The following EPB41L4A variants were observed in gnomAD, a reference collection of about 807,000 sequenced individuals.
The protein encoded by EPB41L4A is erythrocyte membrane protein band 4.1 like 4A, also known as band 4.1-like protein 4A.
A neutral mutation model predicts 108.6 loss-of-function variants in EPB41L4A; 100 were observed. The observed-to-expected ratio is 0.92, with a 90% CI of 0.78 to 1.09. The LOEUF (loss-of-function observed/expected upper bound fraction) is 1.09, where lower values mean the gene tolerates loss of function less well. EPB41L4A is among the 50% of genes least tolerant of loss of function. The probability of loss-of-function intolerance (pLI) is 0.00; values close to 1 mark genes in which losing one functional copy is unlikely to be tolerated. For missense variants in EPB41L4A, 1,030 were observed against 842.7 expected (o/e 1.22, Z -2.75); for synonymous variants, 319 against 289.0 (o/e 1.10, Z -1.05).
At chr5:112,334,345 A>G (rs1488993623) in intron 1 of EPB41L4A, among the ~76,000 whole-genome samples, 2 of 152,204 alleles carry the variant, frequency 1.3e-5, no homozygotes, top group Non-Finnish European at 2.9e-5. Flanking sequence ...CATTCTGTGT[A>G]GAATCTCTTT....
At chr5:112,287,926 T>C (rs956254076) in intron 2 of EPB41L4A, among the ~76,000 whole-genome samples, 1 of 152,180 alleles carries the variant, frequency 6.6e-6, no homozygotes, top group Non-Finnish European at 1.5e-5. Context: ...AAGAGAGAGA[T>C]AAGCTAAAAA....
intron 16 of EPB41L4A, 114 bp from the exon 17 acceptor site, chr5:112,194,759 C>G (rs971928137): frequency 6.4e-6 from 4 of 622,650 alleles, no homozygotes; most frequent in Non-Finnish European, 1.1e-5. Context: ...AATTATCAAT[C>G]CAAACATCAA....
intron 12 of EPB41L4A, among the ~76,000 whole-genome samples, chr5:112,210,580 G>T (rs959281801): frequency 5.3e-4 from 80 of 152,034 alleles, no homozygotes; most frequent in African/African-American, 1.9e-3. Context: ...CCATAGATTT[G>T]CATACACGCT....
intron 1 of EPB41L4A, among the ~76,000 whole-genome samples, chr5:112,411,160 T>C (rs986974552): frequency 3.3e-5 from 5 of 151,914 alleles, no homozygotes; most frequent in African/African-American, 1.2e-4. Context: ...TGGAGGAGGG[T>C]AGTGATGGCT....
rs150534027 is a variant in EPB41L4A at position 112,368,363 on chromosome 5, C to A, written c.99+50578G>T. Among the ~76,000 whole-genome samples, 624 of 152,288 alleles carry A rather than the reference C, an allele frequency of 4.1e-3. 1 individual carries two copies. Among genetic ancestry groups the A allele is most frequent in the Non-Finnish European group, 7.3e-3 (494 of 68,032 alleles). On this transcript the variant is annotated intron_variant, in intron 1 of 22. Transcript: ENST00000261486. ...CCACTCCCTCCCACCTCTTCTGATA[C>A]CTACCCCATCTGTTGTCCCCTCTCC...
At chr5:112,201,607 C>T (rs1002612132) in intron 15 of EPB41L4A, among the ~76,000 whole-genome samples, 3 of 152,140 alleles carry the variant, frequency 2.0e-5, no homozygotes, top group African/African-American at 7.2e-5. Context: ...GGGTAGAAAA[C>T]TATAAAACTC....
At chr5:112,212,730 G>T (rs572688935) in intron 12 of EPB41L4A, among the ~76,000 whole-genome samples, 1 of 152,252 alleles carries the variant, frequency 6.6e-6, no homozygotes, top group Non-Finnish European at 1.5e-5. Flanking sequence ...GGCTGGGAGA[G>T]GGGGCCACAG....
chr5:112,388,588 T>C (rs200924349), intron 1 of EPB41L4A, among the ~76,000 whole-genome samples: 8 of 152,162 alleles, frequency 5.3e-5, no homozygotes, highest in East Asian at 1.9e-4. Flanking sequence ...GGATTATGGA[T>C]AGACAGCCTG....
chr5:112,411,590 G>A (rs1762416623), intron 1 of EPB41L4A, among the ~76,000 whole-genome samples: 1 of 151,028 alleles, frequency 6.6e-6, no homozygotes, highest in Non-Finnish European at 1.5e-5. Context: ...CAGATATCAT[G>A]CCCCTCAGCT....
chr5:112,335,278 G>A (rs753328158), intron 1 of EPB41L4A, among the ~76,000 whole-genome samples: 8 of 152,220 alleles, frequency 5.3e-5, no homozygotes, highest in Non-Finnish European at 1.0e-4. Context: ...GAGGGGATCA[G>A]TGTTAAGGAC....
At chr5:112,359,462 G>A (rs1758570654) in intron 1 of EPB41L4A, among the ~76,000 whole-genome samples, 1 of 152,034 alleles carries the variant, frequency 6.6e-6, no homozygotes, top group African/African-American at 2.4e-5. Flanking sequence ...AATAACAACT[G>A]TTGATTGAGT....
intron 1 of EPB41L4A, among the ~76,000 whole-genome samples, chr5:112,338,646 G>A (rs1031217956): frequency 5.9e-5 from 9 of 152,068 alleles, no homozygotes; most frequent in East Asian, 1.9e-4. Context: ...CATTCTCTTC[G>A]TAGCAGTTAT....
intron 1 of EPB41L4A, among the ~76,000 whole-genome samples, chr5:112,355,569 A>G (rs1324046942): frequency 6.6e-6 from 1 of 152,210 alleles, no homozygotes; most frequent in Non-Finnish European, 1.5e-5. Context: ...GTTCCTCATT[A>G]GAAGTGAGGT....
chr5:112,309,614 C>A (rs375002944), intron 1 of EPB41L4A, among the ~76,000 whole-genome samples: 11 of 152,230 alleles, frequency 7.2e-5, no homozygotes, highest in Middle Eastern at 3.4e-3. Context: ...CTCCCTCCCC[C>A]AAAGATGTCC....
In EPB41L4A at chr5:112,407,084, T is replaced by A. The variant is rs567372822; in HGVS notation, c.99+11857A>T. On this transcript the variant is annotated intron_variant, in intron 1 of 22. Transcript: ENST00000261486. ...ACAGTAGAACTACTGGGCAAAAGCA[T>A]GAGTGGCTGACAGGAAAAAGCAATG... Among the ~76,000 whole-genome samples the A allele has an allele frequency of 3.3e-5, 5 of 152,126 alleles. No homozygotes were observed. In the South Asian group the frequency reaches 1.0e-3, roughly 32 times the overall value.
chr5:112,273,351 T>G (rs1752401047), intron 4 of EPB41L4A, among the ~76,000 whole-genome samples: 1 of 152,202 alleles, frequency 6.6e-6, no homozygotes, highest in East Asian at 1.9e-4. Flanking sequence ...TATACAAAAA[T>G]CCATGTATTC....
At chr5:112,395,756 A>G (rs1761287233) in intron 1 of EPB41L4A, among the ~76,000 whole-genome samples, 1 of 152,226 alleles carries the variant, frequency 6.6e-6, no homozygotes, top group Non-Finnish European at 1.5e-5. Context: ...GTATATACCC[A>G]AAGATTATAA....
At chr5:112,324,720 T>TAAAA (rs60242363) in intron 1 of EPB41L4A, among the ~76,000 whole-genome samples, 1 of 101,756 alleles carries the variant, frequency 9.8e-6, no homozygotes, top group Non-Finnish European at 2.1e-5. Flanking sequence ...AGAGTCTGTC[T>TAAAA]AAAAAAAAAA....
chr5:112,316,305 A>T (rs1580671554), intron 1 of EPB41L4A, among the ~76,000 whole-genome samples: 4 of 152,366 alleles, frequency 2.6e-5, no homozygotes, highest in African/African-American at 9.6e-5. Flanking sequence ...TCTGCAAAAA[A>T]TTCTTATAAC....
Sources: allele counts gnomAD v4.1 joint callset (sites outside exome capture counted in the v4.1 genomes callset), GRCh38; gene constraint gnomAD v4.1.1; transcripts MANE v1.5; gene names NCBI Gene and HGNC (gene_info 2026-07-23, HGNC 2026-07-21).